TENM1: variants seen among roughly 807,000 people sequenced by gnomAD.
TENM1 encodes the protein teneurin transmembrane protein 1.
In TENM1, 35 loss-of-function variants were observed where a neutral mutation model predicts 174.8. That is an observed-to-expected ratio of 0.20 (90% CI 0.15 to 0.27). The LOEUF (loss-of-function observed/expected upper bound fraction) is 0.27. TENM1 is among the 10% of genes least tolerant of loss of function. TENM1 has a pLI of 1.00. For missense variants in TENM1, 1,633 were observed against 2,130.1 expected, an observed-to-expected ratio of 0.77 and a Z score of 4.59; for synonymous variants, 781 against 798.7, an observed-to-expected ratio of 0.98 and a Z score of 0.37.
At chrX:124,718,809 G>A (rs1329402004) in intron 4 of TENM1, among the ~76,000 whole-genome samples, 7 of 112,037 alleles carry the variant, frequency 6.2e-5, no homozygotes, top group African/African-American at 2.3e-4. Context: ...ACTAAGTTGG[G>A]AAACATCGAT....
At chrX:124,946,367 G>A (rs1162684884) in intron 1 of TENM1, among the ~76,000 whole-genome samples, 1 of 111,820 alleles carries the variant, frequency 8.9e-6, no homozygotes, top group Non-Finnish European at 1.9e-5. Context: ...CAAAGCTGGT[G>A]ATGTAAGTGT....
chrX:125,010,048 G>A, the TENM1 span, among the ~76,000 whole-genome samples: 1 of 111,475 alleles, frequency 9.0e-6, no homozygotes, highest in African/African-American at 3.3e-5. Flanking sequence ...TCAGGCAAGA[G>A]AAAGAAATGA....
chrX:124,780,755 G>A (rs1403468215), intron 3 of TENM1, among the ~76,000 whole-genome samples: 1 of 111,720 alleles, frequency 9.0e-6, no homozygotes, highest in Non-Finnish European at 1.9e-5. Flanking sequence ...CATCTCAAAA[G>A]GGACAAGTAC....
At chrX:124,646,385 C>A (rs1232295121) in intron 9 of TENM1, among the ~76,000 whole-genome samples, 1 of 112,473 alleles carries the variant, frequency 8.9e-6, no homozygotes, top group African/African-American at 3.2e-5. Flanking sequence ...GTCAGACAAC[C>A]TATCTACAAA....
chrX:124,499,819 G>A (rs2047286608), intron 19 of TENM1, among the ~76,000 whole-genome samples: 2 of 111,712 alleles, frequency 1.8e-5, no homozygotes, highest in Non-Finnish European at 3.8e-5. Flanking sequence ...TTTAATAAAT[G>A]AGGAAACCAC....
the TENM1 span, among the ~76,000 whole-genome samples, chrX:125,147,015 CAT>C: frequency 9.1e-6 from 1 of 110,047 alleles, no homozygotes; most frequent in Non-Finnish European, 1.9e-5. Context: ...TATACACACA[CAT>C]ACAAATATAC....
At chrX:124,754,226 G>T (rs1313402010) in intron 3 of TENM1, among the ~76,000 whole-genome samples, 1 of 111,352 alleles carries the variant, frequency 9.0e-6, no homozygotes, top group Non-Finnish European at 1.9e-5. Context: ...GAGGGTGTAT[G>T]TGTCGAGGAA....
chrX:124,605,600 G>C (rs1383833012), intron 11 of TENM1, among the ~76,000 whole-genome samples: 1 of 111,249 alleles, frequency 9.0e-6, no homozygotes, highest in African/African-American at 3.3e-5. Context: ...AGTGTTGTCT[G>C]TATATTCAGC....
chrX:125,058,326 T>C, the TENM1 span, among the ~76,000 whole-genome samples: 6 of 112,175 alleles, frequency 5.3e-5, no homozygotes, highest in Non-Finnish European at 7.5e-5. Flanking sequence ...TAATATCCAG[T>C]GTTAATGCAT....
At chrX:125,136,176 G>T in the TENM1 span, among the ~76,000 whole-genome samples, 2 of 111,188 alleles carry the variant, frequency 1.8e-5, no homozygotes, top group African/African-American at 6.5e-5. Flanking sequence ...ATTTTGTAAT[G>T]ACAGCCTGGA....
intron 23 of TENM1, among the ~76,000 whole-genome samples, chrX:124,446,897 G>T (rs1055869395): frequency 8.9e-6 from 1 of 112,153 alleles, no homozygotes; most frequent in Non-Finnish European, 1.9e-5. Flanking sequence ...ATATGATGCT[G>T]CCATGTAGTG....
At chrX:124,888,901 A>C (rs2147547800) in intron 3 of TENM1, among the ~76,000 whole-genome samples, 1 of 112,562 alleles carries the variant, frequency 8.9e-6, no homozygotes, top group African/African-American at 3.2e-5. Context: ...ATCTTTAGTT[A>C]CCTGTCCAAG....
chrX:124,852,812 G>T (rs2056746931), intron 3 of TENM1, among the ~76,000 whole-genome samples: 1 of 111,432 alleles, frequency 9.0e-6, no homozygotes, highest in East Asian at 2.8e-4. Context: ...TTCAAGGGTG[G>T]AATGAAGAGA....
chrX:124,554,708 G>A (rs1373327736), intron 14 of TENM1, among the ~76,000 whole-genome samples: 1 of 111,644 alleles, frequency 9.0e-6, no homozygotes, highest in African/African-American at 3.3e-5. Context: ...TTCTAAACAT[G>A]AGGCTCATTG....
At chrX:124,747,275 C>T (rs899656503) in intron 3 of TENM1, among the ~76,000 whole-genome samples, 1 of 108,882 alleles carries the variant, frequency 9.2e-6, no homozygotes, top group African/African-American at 3.3e-5. Flanking sequence ...TCCCCTCCAG[C>T]GAAATGAACA....
intron 3 of TENM1, among the ~76,000 whole-genome samples, chrX:124,765,590 A>T (rs929260260): frequency 4.3e-4 from 48 of 112,249 alleles, no homozygotes; most frequent in African/African-American, 1.5e-3. Context: ...TGCTTTTTCA[A>T]ATGAATGATT....
At chrX:125,133,890 A>C in the TENM1 span, among the ~76,000 whole-genome samples, 1 of 112,170 alleles carries the variant, frequency 8.9e-6, no homozygotes, top group South Asian at 3.7e-4. Context: ...CCACAATCCA[A>C]GGTGCCTTTC....
intron 3 of TENM1, among the ~76,000 whole-genome samples, chrX:124,847,789 T>TGAGC (rs2056638509): frequency 8.9e-6 from 1 of 111,789 alleles, no homozygotes; most frequent in African/African-American, 3.2e-5. Flanking sequence ...GCCTTAAGAT[T>TGAGC]CTGAGTAGGC....
At chrX:124,415,445 T>C (rs1433686723) in intron 25 of TENM1, among the ~76,000 whole-genome samples, 2 of 111,471 alleles carry the variant, frequency 1.8e-5, no homozygotes, top group Non-Finnish European at 3.8e-5. Context: ...GTGCTACCTA[T>C]TCCTCTTTTA....
Sources: gnomAD v4.1 joint callset for allele counts (sites outside exome capture counted in the v4.1 genomes callset) on GRCh38, gnomAD v4.1.1 for gene constraint, MANE v1.5 for transcripts, NCBI Gene and HGNC (gene_info 2026-07-23, HGNC 2026-07-21) for gene names.